Variants in EPB41L5 observed in about 807,000 individuals in gnomAD.
The protein encoded by EPB41L5 is band 4.1-like protein 5.
A neutral mutation model predicts 106.6 loss-of-function variants in EPB41L5; 55 were observed. That is an observed-to-expected ratio of 0.52 (90% CI 0.42 to 0.65). The LOEUF (loss-of-function observed/expected upper bound fraction) is 0.65. EPB41L5 is among the 30% of genes least tolerant of loss of function. The pLI, the probability that EPB41L5 is intolerant of heterozygous loss-of-function variation, is 0.00. For synonymous variants in EPB41L5, 297 were observed against 306.7 expected, an observed-to-expected ratio of 0.97 and a Z score of 0.33; for missense variants, 871 against 882.1, an observed-to-expected ratio of 0.99 and a Z score of 0.16.
Position 120,177,350 on chromosome 2 carries a change from C to G in EPB41L5, c.*2443C>G, listed in dbSNP as rs150646956. ...GACTGGGCTGAGGTTGGAGAAGGGG[C>G]AGCCGGGGGCACTGCTGAGGGTTTG... On this transcript the variant is annotated 3_prime_UTR_variant, in exon 25 of 25. Transcript: ENST00000263713. 6.5e-6 allele frequency: 1 copy of G among 152,672 alleles called. No individual in the cohort carries two copies. Among genetic ancestry groups the G allele is most frequent in the Non-Finnish European group, 1.5e-5 (1 of 68,456 alleles). 9.5% of individuals were successfully genotyped at this position (152,672 alleles called of 1,614,324 possible).
intron 20 of EPB41L5, among the ~76,000 whole-genome samples, chr2:120,149,107 A>G (rs1686550375): frequency 6.6e-6 from 1 of 152,056 alleles, no homozygotes; most frequent in African/African-American, 2.4e-5. Flanking sequence ...GCATTTACCT[A>G]AGGACTAATG....
intron 10 of EPB41L5, among the ~76,000 whole-genome samples, chr2:120,081,408 T>C (rs916592772): frequency 9.9e-5 from 15 of 152,214 alleles, no homozygotes; most frequent in African/African-American, 2.4e-4. Flanking sequence ...TGTCAAAGAT[T>C]GGATGGTTGT....
intron 2 of EPB41L5, among the ~76,000 whole-genome samples, chr2:120,041,132 G>A (rs928341322): frequency 2.6e-5 from 4 of 151,958 alleles, no homozygotes; most frequent in South Asian, 2.1e-4. Flanking sequence ...TTATGTTAAC[G>A]TAATATAAAA....
At chr2:120,069,456 C>G (rs1458468528) in intron 3 of EPB41L5, among the ~76,000 whole-genome samples, 1 of 152,104 alleles carries the variant, frequency 6.6e-6, no homozygotes, top group Non-Finnish European at 1.5e-5. Context: ...GAACTCAGCT[C>G]TGGACCAAGC....
At chr2:120,169,251 C>T (rs1558919482) in intron 24 of EPB41L5, among the ~76,000 whole-genome samples, 1 of 152,124 alleles carries the variant, frequency 6.6e-6, no homozygotes, top group African/African-American at 2.4e-5. Context: ...AATGGTCTTT[C>T]TTTTAGTAAA....
At chr2:120,135,960 T>C (rs1307999298) in intron 18 of EPB41L5, among the ~76,000 whole-genome samples, 1 of 152,020 alleles carries the variant, frequency 6.6e-6, no homozygotes, top group Non-Finnish European at 1.5e-5. Context: ...AACACTGAAA[T>C]TGTTGTGTAT....
At chr2:120,055,481 ATTTTTTTTT>A (rs34856540) in intron 3 of EPB41L5, among the ~76,000 whole-genome samples, 13 of 85,554 alleles carry the variant, frequency 1.5e-4, no homozygotes, top group African/African-American at 2.4e-4. Context: ...TAGGTTTTTA[ATTTTTTTTT>A]TTTTTTTTTT....
At chr2:120,159,276 A>AAG (rs1412031076) in intron 20 of EPB41L5, among the ~76,000 whole-genome samples, 1 of 143,786 alleles carries the variant, frequency 7.0e-6, no homozygotes, top group Non-Finnish European at 1.5e-5. Context: ...AAAAAAAAAC[A>AAG]GCCGGGTGTG....
At chr2:120,100,583 G>A in intron 15 of EPB41L5, 116 bp from the exon 16 acceptor site, 4 of 760,628 alleles carry the variant, frequency 5.3e-6, no homozygotes, top group South Asian at 1.7e-5. Flanking sequence ...TAAAATTCAA[G>A]CATTTGTATA....
chr2:120,033,804 G>A (rs991403047), intron 2 of EPB41L5, among the ~76,000 whole-genome samples: 4 of 151,708 alleles, frequency 2.6e-5, no homozygotes, highest in African/African-American at 9.7e-5. Context: ...AATAGATTGT[G>A]CATTGTTGCC....
At chr2:120,173,851 TTTG>T (rs747430362) in intron 24 of EPB41L5, among the ~76,000 whole-genome samples, 7 of 152,154 alleles carry the variant, frequency 4.6e-5, no homozygotes, top group South Asian at 2.1e-4. Context: ...CCTGGCTATT[TTTG>T]TTGTTGTTGT....
chr2:120,071,015 G>A (rs573202475), intron 3 of EPB41L5, among the ~76,000 whole-genome samples: 2 of 152,292 alleles, frequency 1.3e-5, no homozygotes, highest in African/African-American at 4.8e-5. Flanking sequence ...AAGAAATAAA[G>A]CATATTCATA....
intron 3 of EPB41L5, among the ~76,000 whole-genome samples, chr2:120,044,696 C>T (rs1048642162): frequency 1.3e-4 from 20 of 152,176 alleles, no homozygotes; most frequent in African/African-American, 4.8e-4. Context: ...TTTTTTCTCT[C>T]ATTTGATACA....
chr2:120,123,900 C>T (rs1358214807), intron 16 of EPB41L5, among the ~76,000 whole-genome samples: 1 of 152,006 alleles, frequency 6.6e-6, no homozygotes, highest in Non-Finnish European at 1.5e-5. Flanking sequence ...TCCAGCAATC[C>T]TCCCACCTCG....
At chr2:120,103,044 G>A (rs1684240781) in intron 16 of EPB41L5, among the ~76,000 whole-genome samples, 1 of 152,054 alleles carries the variant, frequency 6.6e-6, no homozygotes, top group African/African-American at 2.4e-5. Context: ...TATTAAAAAA[G>A]CCTTCCAATT....
intron 24 of EPB41L5, among the ~76,000 whole-genome samples, chr2:120,174,611 G>A (rs1371983492): frequency 6.6e-6 from 1 of 152,130 alleles, no homozygotes; most frequent in Non-Finnish European, 1.5e-5. Context: ...TGCTAAGAAG[G>A]GGAAATTGTG....
At chr2:120,014,831 A>T (rs775775262) in intron 1 of EPB41L5, among the ~76,000 whole-genome samples, 2 of 152,106 alleles carry the variant, frequency 1.3e-5, no homozygotes, top group Non-Finnish European at 2.9e-5. Context: ...TGCATCTAGG[A>T]CCAGGGCCAT....
At chr2:120,126,839 A>G (rs1243842663) in intron 16 of EPB41L5, among the ~76,000 whole-genome samples, 1 of 152,246 alleles carries the variant, frequency 6.6e-6, no homozygotes, top group East Asian at 1.9e-4. Flanking sequence ...GATAGTGAAT[A>G]CATTGAATTT....
chr2:120,106,723 AGCAAAGCTAGT>A, intron 16 of EPB41L5: 1 of 985,436 alleles, frequency 1.0e-6, no homozygotes, highest in Non-Finnish European at 1.2e-6. Context: ...GTAGAAACAC[AGCAAAGCTAGT>A]GACCTTCACA....
Sources: allele counts gnomAD v4.1 joint callset (sites outside exome capture counted in the v4.1 genomes callset), GRCh38; gene constraint gnomAD v4.1.1; transcripts MANE v1.5; gene names NCBI Gene and HGNC (gene_info 2026-07-23, HGNC 2026-07-21).